PEBP4: variants seen among roughly 807,000 people sequenced by gnomAD.
PEBP4 encodes phosphatidylethanolamine binding protein 4, also known as phosphatidylethanolamine-binding protein 4.
Under a neutral mutation model 23.9 loss-of-function variants are expected in PEBP4, and 22 were observed. The observed-to-expected ratio is 0.92, with a 90% CI of 0.66 to 1.31. PEBP4 has a LOEUF of 1.31. Among genes scored for constraint, PEBP4 ranks in the 40% most tolerant of loss-of-function variants. The pLI, the probability that PEBP4 is intolerant of heterozygous loss-of-function variation, is 0.00. For missense variants in PEBP4, 324 were observed against 281.7 expected (o/e 1.15, Z -1.07); for synonymous variants, 112 against 99.3 (o/e 1.13, Z -0.76).
At chr8:22,930,658 C>A (rs1407880840), upstream of PEBP4, among the ~76,000 whole-genome samples, 4 of 152,110 alleles carry the variant, frequency 2.6e-5, no homozygotes, top group Non-Finnish European at 4.4e-5. Context: ...ATGCCTTTTG[C>A]TTATTTATCT....
chr8:22,746,972 T>A (rs1585250525), intron 4 of PEBP4, among the ~76,000 whole-genome samples: 1 of 152,194 alleles, frequency 6.6e-6, no homozygotes, highest in African/African-American at 2.4e-5. Flanking sequence ...ACTATGGGCA[T>A]GTACCACCAC....
chr8:22,828,169 G>A (rs973697362), intron 3 of PEBP4, among the ~76,000 whole-genome samples: 4 of 152,314 alleles, frequency 2.6e-5, no homozygotes, highest in Admixed American at 2.0e-4. Flanking sequence ...AAGCAAGATG[G>A]CAGCAAATAT....
At chr8:22,750,616 A>G (rs888594002) in intron 4 of PEBP4, among the ~76,000 whole-genome samples, 1 of 152,112 alleles carries the variant, frequency 6.6e-6, no homozygotes, top group Non-Finnish European at 1.5e-5. Context: ...GGAAGGGAAT[A>G]TCCCGTGGGA....
At position 22,865,167 on chromosome 8, in the gene PEBP4, A is replaced by AC; in HGVS notation, c.259-47433dup. Among the ~76,000 whole-genome samples the AC allele has an allele frequency of 6.7e-6, 1 of 150,162 alleles. No individual in the cohort carries two copies. The highest frequency in any genetic ancestry group is 2.0e-4 in the East Asian group (1 of 4,958). ...CAGTGCTGGACGGGGCTAGAGGCCC[A>AC]CGTTCTCCTGTGACTCAGGTCTGAC... On this transcript the variant is annotated intron_variant, in intron 3 of 6. Coordinates refer to ENST00000256404, the MANE Select transcript of PEBP4 (RefSeq NM_144962.3). This position sits in a 1 kb window ranked among gnomAD's most constrained non-coding sequence, Gnocchi z 6.9.
intron 3 of PEBP4, among the ~76,000 whole-genome samples, chr8:22,820,147 G>A (rs569626448): frequency 2.0e-5 from 3 of 152,260 alleles, no homozygotes; most frequent in South Asian, 2.1e-4. Context: ...ATTGTCTTCC[G>A]ATTGCTTCTA....
intron 3 of PEBP4, among the ~76,000 whole-genome samples, chr8:22,829,498 A>G (rs892969246): frequency 6.6e-6 from 1 of 152,186 alleles, no homozygotes; most frequent in African/African-American, 2.4e-5. Flanking sequence ...GAAGGCATCA[A>G]ATAGTAAGTT....
rs1804682833 is a variant in PEBP4 at position 22,729,237 on chromosome 8, T to C, written c.358-2017A>G. 2.6e-5 allele frequency among the ~76,000 whole-genome samples: 4 copies of C among 152,242 alleles called. No homozygotes were observed. The South Asian group carries it at 8.3e-4, about 31-fold the overall frequency. On this transcript the variant is annotated intron_variant, in intron 4 of 6. Coordinates refer to ENST00000256404, the MANE Select transcript of PEBP4 (RefSeq NM_144962.3). Reference sequence around the variant, plus strand: ...GCAGCCACTCTCCCTACAGAGCTCTTCTGCCACCCGAGCAAGATGGAGAGT... The same window carrying C: ...GCAGCCACTCTCCCTACAGAGCTCTCCTGCCACCCGAGCAAGATGGAGAGT...
At position 22,898,413 on chromosome 8, in the gene PEBP4, A is replaced by C. The variant is rs7820281; in HGVS notation, c.258+21771T>G. 2.6e-3 allele frequency among the ~76,000 whole-genome samples: 341 copies of C among 132,656 alleles called. 11 individuals are homozygous for C. The highest frequency in any genetic ancestry group is 7.3e-3 in the African/African-American group (268 of 36,778). 87.0% of individuals were successfully genotyped at this position (132,656 alleles called of 152,430 possible). ...CCCCAAAAAAAAAAAAAAAAAAAAA[A>C]AAAAAAAAAAAAAAAAAACCCACCC... On this transcript the variant is annotated intron_variant, in intron 3 of 6. Coordinates refer to ENST00000256404, the MANE Select transcript of PEBP4 (RefSeq NM_144962.3).
intron 3 of PEBP4, among the ~76,000 whole-genome samples, chr8:22,912,504 T>G (rs1161840696): frequency 6.6e-6 from 1 of 152,204 alleles, no homozygotes; most frequent in Non-Finnish European, 1.5e-5. Context: ...TGAAAGGTAG[T>G]TGACTGCAAG....
chr8:22,714,335 T>C (rs979558809), intron 6 of PEBP4, among the ~76,000 whole-genome samples: 2 of 152,122 alleles, frequency 1.3e-5, no homozygotes, highest in African/African-American at 4.8e-5. Flanking sequence ...CCCACGTTCT[T>C]GTTTCCCAAA....
At chr8:22,793,706 G>T (rs1367084597) in intron 4 of PEBP4, among the ~76,000 whole-genome samples, 1 of 151,992 alleles carries the variant, frequency 6.6e-6, no homozygotes, top group East Asian at 1.9e-4. Context: ...ATGAATTTTT[G>T]CTCACATCCA....
At chr8:22,857,363 T>C (rs1485388154) in intron 3 of PEBP4, among the ~76,000 whole-genome samples, 2 of 152,184 alleles carry the variant, frequency 1.3e-5, no homozygotes, top group African/African-American at 2.4e-5. Flanking sequence ...ACCAATGCTA[T>C]ACCCTTCTCT....
rs1378542408 is a variant in PEBP4 at position 22,764,459 on chromosome 8, C to T, written c.358-37239G>A. ...TAGCTGGCAGCCTCACTGTGCACCG[C>T]GTATGCCAGCCAAAACCCAGGGACC... On this transcript the variant is annotated intron_variant, in intron 4 of 6. Transcript: ENST00000256404. Among the ~76,000 whole-genome samples, 9 of 152,156 alleles carry T rather than the reference C, an allele frequency of 5.9e-5. No individual in the cohort carries two copies. The South Asian group carries it at 1.0e-3, about 18-fold the overall frequency.
chr8:22,885,811 C>T (rs1808360606), intron 3 of PEBP4: 1 of 152,160 alleles, frequency 6.6e-6, no homozygotes, highest in African/African-American at 2.4e-5. Context: ...AGCTCTGTGT[C>T]CCAGGCACAC....
At chr8:22,927,798 G>C in intron 1 of PEBP4, 25 bp downstream of exon 1, 2 of 1,575,554 alleles carry the variant, frequency 1.3e-6, no homozygotes, top group Non-Finnish European at 8.6e-7. Flanking sequence ...CCCGACCCCA[G>C]GGGCCCACTT....
At chr8:22,758,967 G>A (rs1805447039) in intron 4 of PEBP4, among the ~76,000 whole-genome samples, 2 of 152,078 alleles carry the variant, frequency 1.3e-5, no homozygotes, top group South Asian at 4.1e-4. Context: ...GCATGGAGAA[G>A]TGGAAGCCAG....
At chr8:22,848,480 T>TGG (rs1807486027) in intron 3 of PEBP4, among the ~76,000 whole-genome samples, 1 of 50,426 alleles carries the variant, frequency 2.0e-5, no homozygotes, top group Non-Finnish European at 3.4e-5. Context: ...AAGGGGAAGT[T>TGG]GTGTGTGTGC....
At chr8:22,869,063 G>A (rs1807958913) in intron 3 of PEBP4, among the ~76,000 whole-genome samples, 1 of 152,194 alleles carries the variant, frequency 6.6e-6, no homozygotes, top group African/African-American at 2.4e-5. Flanking sequence ...CCTCCTTGCA[G>A]TTCCTTAAAC....
chr8:22,820,037 C>A (rs941467695), intron 3 of PEBP4, among the ~76,000 whole-genome samples: 1 of 151,990 alleles, frequency 6.6e-6, no homozygotes, highest in East Asian at 1.9e-4. Flanking sequence ...AGAGGGGACA[C>A]GATCCAGAGT....
Sources: gnomAD v4.1 joint callset for allele counts (sites outside exome capture counted in the v4.1 genomes callset) on GRCh38, gnomAD v4.1.1 for gene constraint, Gnocchi (gnomAD v3.1) non-coding constraint, MANE v1.5 for transcripts, NCBI Gene and HGNC (gene_info 2026-07-23, HGNC 2026-07-21) for gene names.